Variants in ELOVL2 observed in about 807,000 individuals in gnomAD.
The protein encoded by ELOVL2 is ELOVL fatty acid elongase 2, also known as very long chain fatty acid elongase 2.
In ELOVL2, 38 loss-of-function variants were observed where a neutral mutation model predicts 37.7. That is an observed-to-expected ratio of 1.01 (90% CI 0.78 to 1.32). ELOVL2 has a LOEUF of 1.32. Among genes scored for constraint, ELOVL2 ranks in the 40% most tolerant of loss-of-function variants. The pLI, the probability that ELOVL2 is intolerant of heterozygous loss-of-function variation, is 0.00. For missense variants in ELOVL2, 352 were observed against 363.6 expected (o/e 0.97, Z 0.26); for synonymous variants, 115 against 122.3 (o/e 0.94, Z 0.40).
Position 11,015,082 on chromosome 6 carries a change from T to A in ELOVL2, c.4-4273A>T, listed in dbSNP as rs186630441. ...CACACAACATGGATGTATCTCAAAATTATTCTGCATGAAAAAAGCTACACA... is the reference window on the plus strand; with the variant it reads ...CACACAACATGGATGTATCTCAAAAATATTCTGCATGAAAAAAGCTACACA... On this transcript the variant is annotated intron_variant, in intron 1 of 7. Transcript: ENST00000354666. 8.5e-3 allele frequency among the ~76,000 whole-genome samples: 1,288 copies of A among 152,302 alleles called. 8 individuals carry two copies. Among genetic ancestry groups the A allele is most frequent in the Middle Eastern group, 0.02 (6 of 294 alleles).
At chr6:11,034,640 G>A (rs1411957790) in intron 1 of ELOVL2, among the ~76,000 whole-genome samples, 2 of 148,988 alleles carry the variant, frequency 1.3e-5, no homozygotes, top group Admixed American at 6.7e-5. Context: ...CTGAGATTGC[G>A]CCACTGCACT....
chr6:10,992,813 A>C (rs1782190421), intron 5 of ELOVL2, among the ~76,000 whole-genome samples: 1 of 148,654 alleles, frequency 6.7e-6, no homozygotes, highest in East Asian at 2.0e-4. Flanking sequence ...AAAAAAACAA[A>C]AAAAAACAGG....
chr6:11,005,705 T>G (rs1369025416), intron 2 of ELOVL2, 146 bp from the exon 3 acceptor site: 3 of 658,180 alleles, frequency 4.6e-6, no homozygotes, highest in Non-Finnish European at 7.5e-6. Context: ...GGGTTTAGAG[T>G]TCAGGGGAAG....
At chr6:11,007,926 T>G (rs1782507424) in intron 2 of ELOVL2, among the ~76,000 whole-genome samples, 1 of 152,254 alleles carries the variant, frequency 6.6e-6, no homozygotes, top group South Asian at 2.1e-4. Flanking sequence ...TTGCTACAGT[T>G]GTTAAGGATA....
chr6:11,011,045 T>C (rs113395238), intron 1 of ELOVL2, among the ~76,000 whole-genome samples: 2,837 of 152,178 alleles, frequency 0.019, 83 homozygotes, highest in African/African-American at 0.065. Flanking sequence ...AGAGGAGTCC[T>C]AGAGAACAGA....
At chr6:11,020,294 T>C (rs529859090) in intron 1 of ELOVL2, among the ~76,000 whole-genome samples, 4 of 152,302 alleles carry the variant, frequency 2.6e-5, no homozygotes, top group African/African-American at 9.6e-5. Flanking sequence ...TATGACCCTG[T>C]TTGAGAAATT....
At chr6:10,993,727 T>C (rs1782207655) in intron 5 of ELOVL2, among the ~76,000 whole-genome samples, 2 of 152,020 alleles carry the variant, frequency 1.3e-5, no homozygotes, top group African/African-American at 4.8e-5. Context: ...TGGCTGTGTC[T>C]CCCAGGCTGG....
At chr6:11,017,428 C>T (rs1782702197) in intron 1 of ELOVL2, among the ~76,000 whole-genome samples, 1 of 152,146 alleles carries the variant, frequency 6.6e-6, no homozygotes, top group Non-Finnish European at 1.5e-5. Context: ...TCTCAAGCCC[C>T]TTTCTTGTGC....
chr6:10,997,972 T>TGGTGGGAGGTGTTTGTTTGGGTCAC, intron 4 of ELOVL2, among the ~76,000 whole-genome samples: 1 of 152,132 alleles, frequency 6.6e-6, no homozygotes, highest in Non-Finnish European at 1.5e-5. Context: ...GGTGGGGCCT[T>TGGTGGGAGGTGTTTGTTTGGGTCAC]GGTGGGAGGT....
At chr6:10,991,188 A>G (rs1782152431) in intron 5 of ELOVL2, among the ~76,000 whole-genome samples, 1 of 152,236 alleles carries the variant, frequency 6.6e-6, no homozygotes, top group African/African-American at 2.4e-5. Context: ...CTAAGCATTG[A>G]AAGGATTTAG....
chr6:11,028,185 T>A (rs546036602), intron 1 of ELOVL2, among the ~76,000 whole-genome samples: 94 of 152,344 alleles, frequency 6.2e-4, no homozygotes, highest in African/African-American at 2.0e-3. Flanking sequence ...TAAGTTGCTT[T>A]GGTTATAGGA....
chr6:10,996,410 T>C (rs1217753719), intron 4 of ELOVL2, among the ~76,000 whole-genome samples: 2 of 152,128 alleles, frequency 1.3e-5, no homozygotes, highest in Non-Finnish European at 1.5e-5. Context: ...TGAAGACGTT[T>C]TTAAAATGTC....
At chr6:11,028,144 G>A (rs995842993) in intron 1 of ELOVL2, among the ~76,000 whole-genome samples, 10 of 152,182 alleles carry the variant, frequency 6.6e-5, no homozygotes, top group African/African-American at 2.4e-4. Context: ...TCAAGCAACT[G>A]ATGACAATAG....
chr6:11,025,268 A>G (rs1460457896), intron 1 of ELOVL2, among the ~76,000 whole-genome samples: 2 of 152,172 alleles, frequency 1.3e-5, no homozygotes, highest in African/African-American at 2.4e-5. Flanking sequence ...CTTTGCCTAT[A>G]TAAGAATTTT....
In ELOVL2 at chr6:11,014,109, C is replaced by G. The variant is rs1029680316; in HGVS notation, c.4-3300G>C. 4.6e-5 allele frequency among the ~76,000 whole-genome samples: 7 copies of G among 152,242 alleles called. No homozygotes were observed. The East Asian group carries it at 9.6e-4, about 21-fold the overall frequency. On this transcript the variant is annotated intron_variant, in intron 1 of 7. Coordinates refer to ENST00000354666, the MANE Select transcript of ELOVL2 (RefSeq NM_017770.4). Reference sequence around the variant, plus strand: ...ATGGAAAGACTGGTAGCAGGGAGAGCCTTATTTAACTCTGGACCCCTGATT... The same window carrying G: ...ATGGAAAGACTGGTAGCAGGGAGAGGCTTATTTAACTCTGGACCCCTGATT...
chr6:11,000,301 C>G (rs1561717290), intron 3 of ELOVL2, 137 bp from the exon 4 acceptor site: 1 of 765,956 alleles, frequency 1.3e-6, no homozygotes, highest in Non-Finnish European at 2.2e-6. Context: ...TTGTCTCAAT[C>G]CTATCCTCAA....
At chr6:11,006,581 T>G (rs780802197) in intron 2 of ELOVL2, among the ~76,000 whole-genome samples, 21 of 152,212 alleles carry the variant, frequency 1.4e-4, no homozygotes, top group Non-Finnish European at 2.6e-4. Context: ...CTAAGTCCCT[T>G]TCTGGTGCAT....
intron 3 of ELOVL2, among the ~76,000 whole-genome samples, chr6:11,002,724 C>T (rs945941632): frequency 6.6e-6 from 1 of 152,220 alleles, no homozygotes; most frequent in Non-Finnish European, 1.5e-5. Context: ...TTGATGGTGA[C>T]TACTGTTCAA....
intron 1 of ELOVL2, among the ~76,000 whole-genome samples, chr6:11,036,930 G>GGGAGAGAGATGGAGA (rs1783014616): frequency 2.0e-5 from 3 of 151,386 alleles, no homozygotes; most frequent in African/African-American, 7.3e-5. Context: ...TTTTTGAGGA[G>GGGAGAGAGATGGAGA]GGAGAGAGAT....
Sources: gnomAD v4.1 joint callset for allele counts (sites outside exome capture counted in the v4.1 genomes callset) on GRCh38, gnomAD v4.1.1 for gene constraint, MANE v1.5 for transcripts, NCBI Gene and HGNC (gene_info 2026-07-23, HGNC 2026-07-21) for gene names.